KIAA1217: variants seen among roughly 807,000 people sequenced by gnomAD.
KIAA1217 encodes the protein sickle tail protein homolog.
In KIAA1217, 88 loss-of-function variants were observed where a neutral mutation model predicts 163.9. That is an observed-to-expected ratio of 0.54 (90% CI 0.45 to 0.64). KIAA1217 has a LOEUF of 0.64. KIAA1217 is among the 30% of genes least tolerant of loss of function. The probability of loss-of-function intolerance (pLI) is 0.00; values close to 1 mark genes in which losing one functional copy is unlikely to be tolerated. For synonymous variants in KIAA1217, 903 were observed against 923.1 expected (o/e 0.98, Z 0.39); for missense variants, 2,372 against 2,475.0 (o/e 0.96, Z 0.88).
At chr10:24,540,915 C>T (rs1272082621) in intron 17 of KIAA1217, among the ~76,000 whole-genome samples, 2 of 150,994 alleles carry the variant, frequency 1.3e-5, no homozygotes, top group African/African-American at 4.9e-5. Flanking sequence ...ATTACAGGCA[C>T]CCGCCACCGT....
chr10:24,508,676 T>A (rs2134155998), intron 9 of KIAA1217, among the ~76,000 whole-genome samples: 1 of 152,326 alleles, frequency 6.6e-6, no homozygotes, highest in East Asian at 1.9e-4. Flanking sequence ...TATTAAAATT[T>A]TGTTATATCC....
At chr10:23,874,349 A>G (rs1251041157) in intron 1 of KIAA1217, among the ~76,000 whole-genome samples, 2 of 151,926 alleles carry the variant, frequency 1.3e-5, no homozygotes, top group African/African-American at 4.8e-5. Context: ...TTCAGATGTC[A>G]TGGGATAACT....
chr10:24,061,453 C>A (rs1315352569), intron 2 of KIAA1217, among the ~76,000 whole-genome samples: 1 of 152,158 alleles, frequency 6.6e-6, no homozygotes, highest in South Asian at 2.1e-4. Flanking sequence ...ACAGTATTCT[C>A]TATTTGACTA....
At chr10:24,523,418 G>A (rs1339229065) in intron 12 of KIAA1217, among the ~76,000 whole-genome samples, 3 of 152,014 alleles carry the variant, frequency 2.0e-5, no homozygotes, top group East Asian at 1.9e-4. Context: ...AGGGATTGGG[G>A]TAAAAAAAGA....
At chr10:23,771,225 T>C (rs370386539) in intron 1 of KIAA1217, among the ~76,000 whole-genome samples, 1 of 152,182 alleles carries the variant, frequency 6.6e-6, no homozygotes, top group Non-Finnish European at 1.5e-5. Context: ...ACCCAATCTG[T>C]AGAGTCTCTG....
At chr10:24,479,769 A>T (rs971426807) in intron 6 of KIAA1217, among the ~76,000 whole-genome samples, 3 of 152,162 alleles carry the variant, frequency 2.0e-5, no homozygotes, top group African/African-American at 7.2e-5. Context: ...AGGTCAAGGG[A>T]GAAGTGAACC....
At chr10:24,223,646 T>C (rs900507185) in intron 2 of KIAA1217, among the ~76,000 whole-genome samples, 2 of 151,258 alleles carry the variant, frequency 1.3e-5, no homozygotes, top group Middle Eastern at 3.2e-3. Flanking sequence ...ATCAGCAAGA[T>C]AGAGAATAAG....
At chr10:24,069,614 GT>G (rs1407044033) in intron 2 of KIAA1217, among the ~76,000 whole-genome samples, 1 of 152,162 alleles carries the variant, frequency 6.6e-6, no homozygotes, top group Non-Finnish European at 1.5e-5. Flanking sequence ...TATAGAAGAG[GT>G]TTGCCTCCAA....
intron 2 of KIAA1217, among the ~76,000 whole-genome samples, chr10:24,255,884 A>G (rs774853490): frequency 1.3e-5 from 2 of 152,116 alleles, no homozygotes; most frequent in Non-Finnish European, 2.9e-5. Context: ...GTACAAAGGC[A>G]GGAAGCATTT....
intron 1 of KIAA1217, among the ~76,000 whole-genome samples, chr10:23,800,528 T>C (rs1378354448): frequency 6.6e-6 from 1 of 152,100 alleles, no homozygotes; most frequent in African/African-American, 2.4e-5. Flanking sequence ...GAGTAGCTGC[T>C]CTGTGTCCTT....
At chr10:23,969,843 T>G (rs1171587514) in intron 1 of KIAA1217, among the ~76,000 whole-genome samples, 1 of 152,202 alleles carries the variant, frequency 6.6e-6, no homozygotes, top group African/African-American at 2.4e-5. Context: ...TACCTGAGAC[T>G]GGGTGGTTTA....
At position 24,270,186 on chromosome 10, in the gene KIAA1217, A is replaced by G. The variant is rs566025012; in HGVS notation, c.354+50277A>G. ...ATAATTGATTTTTATCATCTTTCTT[A>G]GTATACCTTTCACGTTCTGCACAAT... On this transcript the variant is annotated intron_variant, in intron 2 of 20. Transcript: ENST00000376454. Among the ~76,000 whole-genome samples, 7 of 152,346 alleles carry G rather than the reference A, an allele frequency of 4.6e-5. No individual in the cohort carries two copies. The South Asian group carries it at 1.4e-3, about 32-fold the overall frequency.
chr10:23,855,943 G>A (rs535382833), intron 1 of KIAA1217, among the ~76,000 whole-genome samples: 75 of 152,108 alleles, frequency 4.9e-4, no homozygotes, highest in African/African-American at 1.7e-3. Flanking sequence ...TAACTTCTTT[G>A]CCTTTGGTTT....
intron 2 of KIAA1217, among the ~76,000 whole-genome samples, chr10:24,303,225 A>G (rs1486442286): frequency 6.6e-6 from 1 of 151,998 alleles, no homozygotes; most frequent in Non-Finnish European, 1.5e-5. Flanking sequence ...TGTGATGCCC[A>G]GGCTGGTTTC....
At chr10:24,185,598 C>T (rs1418295469) in intron 2 of KIAA1217, among the ~76,000 whole-genome samples, 1 of 151,984 alleles carries the variant, frequency 6.6e-6, no homozygotes. Context: ...AGTGCGAGAC[C>T]AGCCTGGCCA....
Position 23,856,062 on chromosome 10 carries a change from G to A in KIAA1217, c.-320-151163G>A, listed in dbSNP as rs558914041. On this transcript the variant is annotated intron_variant, in intron 1 of 18. Coordinates refer to the KIAA1217 transcript ENST00000376462. ...TGTTCTGTTGCTGGTAAGGAACTGC[G>A]TTCCTTTGGAGGAGGAGAGGCACTC... 2.0e-3 allele frequency among the ~76,000 whole-genome samples: 310 copies of A among 152,320 alleles called. 1 individual carries two copies. The highest frequency in any genetic ancestry group is 6.8e-3 in the African/African-American group (281 of 41,572).
intron 2 of KIAA1217, among the ~76,000 whole-genome samples, chr10:24,357,657 T>C (rs189579389): frequency 1.3e-4 from 20 of 152,306 alleles, no homozygotes; most frequent in Non-Finnish European, 8.8e-5. Context: ...GTTCTGAGTA[T>C]TTTTGTTTAA....
In KIAA1217 at chr10:24,542,773, G is replaced by A. The variant is rs1592828815; in HGVS notation, c.3612+3G>A. 1 of 1,613,832 alleles carries A rather than the reference G, an allele frequency of 6.2e-7. No individual in the cohort carries two copies. The highest frequency in any genetic ancestry group is 8.5e-7 in the Non-Finnish European group (1 of 1,179,778). ...GCCCCCAAATGGAATTCCAAAAGGT[G>A]AGTTCACCAGATCTGGGTTCCGACC... On this transcript the variant is annotated splice_donor_region_variant and intron_variant, in intron 18 of 20. Coordinates refer to ENST00000376454, the MANE Select transcript of KIAA1217 (RefSeq NM_019590.5).
At chr10:24,477,546 T>C (rs944703416) in intron 6 of KIAA1217, among the ~76,000 whole-genome samples, 1 of 152,248 alleles carries the variant, frequency 6.6e-6, no homozygotes, top group Admixed American at 6.5e-5. Flanking sequence ...ATTCTAAACA[T>C]TTCAACCAGA....
Sources: allele counts gnomAD v4.1 joint callset (sites outside exome capture counted in the v4.1 genomes callset), GRCh38; gene constraint gnomAD v4.1.1; transcripts MANE v1.5; gene names NCBI Gene and HGNC (gene_info 2026-07-23, HGNC 2026-07-21).